Variants in ADRA1A observed in about 807,000 individuals in gnomAD.
ADRA1A encodes adrenoceptor alpha 1A.
A neutral mutation model predicts 29.6 loss-of-function variants in ADRA1A; 31 were observed. The observed-to-expected ratio is 1.05, with a 90% confidence interval of 0.79 to 1.41. The LOEUF is 1.41. ADRA1A is among the 40% of genes most tolerant of loss of function. The probability of loss-of-function intolerance (pLI) is 0.00; values close to 1 mark genes in which losing one functional copy is unlikely to be tolerated. For missense variants in ADRA1A, 619 were observed against 601.1 expected (o/e 1.03, Z -0.31); for synonymous variants, 311 against 254.3 (o/e 1.22, Z -2.12).
At position 26,865,316 on chromosome 8, in the gene ADRA1A, A is replaced by G. The variant is rs114780164; in HGVS notation, c.-347T>C. ...TCCAGGAGACTCCTTGCAACATGCA[A>G]TTCCAGAATTACGAGAATCTGCTTT... is the stretch of plus-strand genomic sequence containing the variant. On this transcript the variant is annotated 5_prime_UTR_variant, in exon 2 of 3. Transcript: ENST00000380573. This position sits in a 1 kb window ranked among gnomAD's most constrained non-coding sequence, Gnocchi z 7.6. The G allele has an allele frequency of 7.5e-4, 842 of 1,117,442 alleles. 5 individuals are homozygous for G. The African/African-American group carries it at 0.013, about 17-fold the overall frequency. 69.2% of individuals were successfully genotyped at this position (1,117,442 alleles called of 1,614,324 possible).
chr8:26,770,543 G>A lies in ADRA1A; in HGVS notation c.1007C>T (p.Ala336Val), dbSNP rs147084464. The A allele has an allele frequency of 1.9e-6, 3 of 1,614,156 alleles. No individual in the cohort carries two copies. Among genetic ancestry groups the A allele is most frequent in the South Asian group, 1.1e-5 (1 of 91,070 alleles). Residue 336 changes from alanine to valine, a missense_variant, in exon 3 of 3, where the codon GCC (alanine) becomes GTC (valine). By Grantham distance (64) the Ala-to-Val change is moderately conservative. Coordinates refer to ENST00000380573, the MANE Select transcript of ADRA1A (RefSeq NM_000680.4). Reference protein sequence around the residue: ...YPCSSQEFKKAFQNVLRIQCL... With the variant: ...YPCSSQEFKKVFQNVLRIQCL... ...CTGGATTCTCAAGACATTCTGAAAG[G>A]CCTTTTTGAACTCTTGGCTGGAGCA...
chr8:26,762,922 G>A (rs1432926922), downstream of ADRA1A, among the ~76,000 whole-genome samples: 5 of 152,138 alleles, frequency 3.3e-5, no homozygotes, highest in East Asian at 7.7e-4. This position sits in a 1 kb window ranked among gnomAD's most constrained non-coding sequence, Gnocchi z 4.0. Context: ...AGGAACAAGA[G>A]GTCCCTCCAA....
At chr8:26,760,535 C>A (rs1200377230) in intron 2 of ADRA1A, among the ~76,000 whole-genome samples, 1 of 152,130 alleles carries the variant, frequency 6.6e-6, no homozygotes, top group African/African-American at 2.4e-5. Flanking sequence ...ATTTTTCAAG[C>A]CAGTCATGAT....
intron 2 of ADRA1A, among the ~76,000 whole-genome samples, chr8:26,749,818 G>A (rs1169960590): frequency 6.6e-6 from 1 of 152,142 alleles, no homozygotes; most frequent in Admixed American, 6.5e-5. Flanking sequence ...TTCTTAGTGG[G>A]CAAGATTCCA....
At chr8:26,756,426 A>G (rs1805170717) in exon 3 of ADRA1A, 1 of 1,376,616 alleles carries the variant, frequency 7.3e-7, no homozygotes, top group Non-Finnish European at 9.5e-7. Context: ...GATGATTCTC[A>G]ATTAACTTTT....
At position 26,815,454 on chromosome 8, in the gene ADRA1A, A is replaced by G. The variant is rs935236047; in HGVS notation, c.884-44788T>C. 6.6e-5 allele frequency among the ~76,000 whole-genome samples: 10 copies of G among 152,214 alleles called. No individual in the cohort carries two copies. The highest frequency in any genetic ancestry group is 2.4e-4 in the African/African-American group (10 of 41,462). On this transcript the variant is annotated intron_variant, in intron 2 of 2. Coordinates refer to ENST00000380573, the MANE Select transcript of ADRA1A (RefSeq NM_000680.4). The surrounding 1 kb of genome is among the most constrained non-coding windows in gnomAD (Gnocchi z 4.2). ...TGTAACACTGATTTCAAGCTACCTT[A>G]TGGGATTTGTTGGTCTTGACAATCA...
At position 26,825,146 on chromosome 8, in the gene ADRA1A, C is replaced by A. The variant is rs1447243808; in HGVS notation, c.883+38941G>T. On this transcript the variant is annotated intron_variant, in intron 2 of 2. Coordinates refer to ENST00000380573, the MANE Select transcript of ADRA1A (RefSeq NM_000680.4). The surrounding 1 kb of genome is among the most constrained non-coding windows in gnomAD (Gnocchi z 5.7). Reference sequence around the variant, plus strand: ...ATGCTCCAGAGAGACCCCCAGCCCCCACATGTCCCACCCTGAGCTTGCTAG... The same window carrying A: ...ATGCTCCAGAGAGACCCCCAGCCCCAACATGTCCCACCCTGAGCTTGCTAG... Among the ~76,000 whole-genome samples, 1 of 152,186 alleles carries A rather than the reference C, an allele frequency of 6.6e-6. No individual in the cohort carries two copies. The highest frequency in any genetic ancestry group is 2.4e-5 in the African/African-American group (1 of 41,450).
At chr8:26,846,643 G>C (rs2130723540) in intron 2 of ADRA1A, among the ~76,000 whole-genome samples, 1 of 152,268 alleles carries the variant, frequency 6.6e-6, no homozygotes, top group South Asian at 2.1e-4. Context: ...GTGGTGGCAG[G>C]CACCTGTAAT....
intron 2 of ADRA1A, chr8:26,858,912 C>T (rs2130779501): frequency 6.8e-6 from 3 of 443,340 alleles, no homozygotes; most frequent in South Asian, 3.8e-5. Context: ...TTCCTCCCAA[C>T]AGTCATGCTA....
intron 2 of ADRA1A, among the ~76,000 whole-genome samples, chr8:26,749,121 C>T (rs902953580): frequency 8.5e-5 from 13 of 152,242 alleles, no homozygotes; most frequent in African/African-American, 3.1e-4. Flanking sequence ...GAAACACACT[C>T]ATGGCCCCTA....
chr8:26,807,684 G>A (rs1201588349), intron 2 of ADRA1A, among the ~76,000 whole-genome samples: 3 of 152,164 alleles, frequency 2.0e-5, no homozygotes, highest in African/African-American at 7.2e-5. Context: ...TGGGAAGGGT[G>A]TTTCTTTTGG....
chr8:26,829,897 T>C (rs1477559692), intron 2 of ADRA1A, among the ~76,000 whole-genome samples: 1 of 132,686 alleles, frequency 7.5e-6, no homozygotes, highest in Non-Finnish European at 1.5e-5. Flanking sequence ...ACAAGCCAAG[T>C]AGAGGTCAAC....
At position 26,815,020 on chromosome 8, in the gene ADRA1A, T is replaced by A. The variant is rs1224311282; in HGVS notation, c.884-44354A>T. ...ATTTGAGCTTCCTTATTAGACAGGC[T>A]TCTCCCCTGATATCAATCCTTATGT... On this transcript the variant is annotated intron_variant, in intron 2 of 2. Transcript: ENST00000380573. This position sits in a 1 kb window ranked among gnomAD's most constrained non-coding sequence, Gnocchi z 4.2. Among the ~76,000 whole-genome samples, 2 of 152,212 alleles carry A rather than the reference T, an allele frequency of 1.3e-5. No homozygotes were observed. The highest frequency in any genetic ancestry group is 4.8e-5 in the African/African-American group (2 of 41,460).
At chr8:26,849,984 T>TA (rs892595305) in intron 2 of ADRA1A, among the ~76,000 whole-genome samples, 92 of 117,196 alleles carry the variant, frequency 7.9e-4, no homozygotes, top group African/African-American at 2.8e-3. Context: ...AATGGAAATT[T>TA]AAAAAAAAAT....
chr8:26,757,154 C>G, intron 2 of ADRA1A: 1 of 701,580 alleles, frequency 1.4e-6, no homozygotes, highest in Non-Finnish European at 2.6e-6. Flanking sequence ...TTATATAAAG[C>G]AGAGTTGGGC....
downstream of ADRA1A, among the ~76,000 whole-genome samples, chr8:26,752,362 C>A (rs1402217935): frequency 6.6e-6 from 1 of 152,200 alleles, no homozygotes; most frequent in Non-Finnish European, 1.5e-5. Context: ...CCACCCTAAT[C>A]TTTTATTATG....
exon 3 of ADRA1A, chr8:26,756,767 T>C (rs547493169): frequency 6.2e-7 from 1 of 1,614,062 alleles, no homozygotes; most frequent in South Asian, 1.1e-5. Context: ...CTTCATGTCA[T>C]GGGTGTGTGT....
intron 2 of ADRA1A, among the ~76,000 whole-genome samples, chr8:26,804,073 C>T (rs2130499364): frequency 6.6e-6 from 1 of 152,040 alleles, no homozygotes; most frequent in African/African-American, 2.4e-5. Context: ...AGGTGTGTGC[C>T]ACCACACTTG....
At position 26,864,287 on chromosome 8, in the gene ADRA1A, T is replaced by C. The variant is rs999941374; in HGVS notation, c.683A>G (p.Asp228Gly). 15 of 1,613,952 alleles carry C rather than the reference T, an allele frequency of 9.3e-6. No individual in the cohort carries two copies. Among genetic ancestry groups the C allele is most frequent in the Non-Finnish European group, 1.3e-5 (15 of 1,180,022 alleles). The change falls in exon 2 of 3, where the codon GAC becomes GGC. Residue 228 changes from aspartate to glycine, a missense_variant. Coordinates refer to ENST00000380573, the MANE Select transcript of ADRA1A (RefSeq NM_000680.4). The surrounding 1 kb of genome is among the most constrained non-coding windows in gnomAD (Gnocchi z 8.1). ...LKSGLKTDKS[D>G]SEQVTLRIHR... ...GATGCGGAGCGTCACTTGCTCCGAG[T>C]CCGACTTGTCGGTCTTGAGGCCAGA...
Sources: allele counts gnomAD v4.1 joint callset (sites outside exome capture counted in the v4.1 genomes callset), GRCh38; gene constraint gnomAD v4.1.1; non-coding constraint Gnocchi (gnomAD v3.1); transcripts MANE v1.5; gene names NCBI Gene and HGNC (gene_info 2026-07-23, HGNC 2026-07-21).